CRYBG3: variants seen among roughly 807,000 people sequenced by gnomAD.
CRYBG3 encodes the protein very large A-kinase anchor protein.
CRYBG3 carries 127 observed loss-of-function variants against 244.2 expected under a neutral mutation model. That is an observed-to-expected ratio of 0.52 (90% CI 0.45 to 0.60). The LOEUF (loss-of-function observed/expected upper bound fraction) is 0.60. Among genes scored for constraint, CRYBG3 ranks in the 20% least tolerant of loss-of-function variants. The pLI is 0.00. For synonymous variants in CRYBG3, 1,132 were observed against 1,195.8 expected (o/e 0.95, Z 1.10); for missense variants, 3,325 against 3,442.5 (o/e 0.97, Z 0.85).
At chr3:97,847,056 G>T (rs998313551) in intron 2 of CRYBG3, among the ~76,000 whole-genome samples, 6 of 152,078 alleles carry the variant, frequency 3.9e-5, no homozygotes, top group Admixed American at 6.6e-5. Flanking sequence ...AAGAGAGAGG[G>T]GAAAGCTGCC....
intron 11 of CRYBG3, among the ~76,000 whole-genome samples, chr3:97,895,243 T>A (rs1452430208): frequency 1.3e-5 from 2 of 152,194 alleles, no homozygotes; most frequent in Non-Finnish European, 2.9e-5. Flanking sequence ...TTGCATTAGA[T>A]ACTGTGGATT....
intron 19 of CRYBG3, among the ~76,000 whole-genome samples, chr3:97,940,116 G>A (rs1369245484): frequency 1.3e-5 from 2 of 152,008 alleles, no homozygotes; most frequent in Non-Finnish European, 2.9e-5. Context: ...CAAAGGTGGG[G>A]ATGTTGGGTG....
At position 97,826,950 on chromosome 3, in the gene CRYBG3, A is replaced by AT. The variant is rs150101009; in HGVS notation, c.149+4596dup. 1.2e-3 allele frequency among the ~76,000 whole-genome samples: 188 copies of AT among 152,354 alleles called. 2 individuals carry two copies. The highest frequency in any genetic ancestry group is 4.3e-3 in the African/African-American group (179 of 41,574). Reference sequence around the variant, plus strand: ...TGAGAACTTTAACTGGGCTTTCAAAATATGTTCTCACATTATTAACTTTTC... The same window carrying AT: ...TGAGAACTTTAACTGGGCTTTCAAAATTATGTTCTCACATTATTAACTTTTC... On this transcript the variant is annotated intron_variant, in intron 1 of 21. Coordinates refer to ENST00000389622, the MANE Select transcript of CRYBG3 (RefSeq NM_153605.4).
chr3:97,937,006 T>C (rs2040172492), intron 19 of CRYBG3, 98 bp downstream of exon 19: 2 of 1,390,436 alleles, frequency 1.4e-6, no homozygotes, highest in East Asian at 4.8e-5. Context: ...TAATTTAGTT[T>C]GCCATTTACA....
rs758575015 is a variant in CRYBG3 at position 97,873,726 on chromosome 3, A to G, written c.2532A>G (p.Ser844=). The change falls in exon 4 of 22, where the codon TCA becomes TCG. Residue 844 remains serine, a synonymous_variant. Coordinates refer to ENST00000389622, the MANE Select transcript of CRYBG3 (RefSeq NM_153605.4). ...TATCCTTGTCCAAGGTATCTCTTTCAAAAGTGGAGCCCAGAAACATTTCTC... is the reference window on the plus strand; with the variant it reads ...TATCCTTGTCCAAGGTATCTCTTTCGAAAGTGGAGCCCAGAAACATTTCTC... The part of the protein sequence containing the change: ...KTISLSKVSL[S]KVEPRNISQD... 1.2e-5 allele frequency: 19 copies of G among 1,535,844 alleles called. No homozygotes were observed. The South Asian group carries it at 1.9e-4, about 15-fold the overall frequency.
chr3:97,895,498 A>G (rs542618113), intron 11 of CRYBG3, among the ~76,000 whole-genome samples: 4 of 152,316 alleles, frequency 2.6e-5, no homozygotes, highest in African/African-American at 9.6e-5. Flanking sequence ...GCCTCGTGAC[A>G]GATTCGCTTT....
Position 97,873,740 on chromosome 3 carries a change from G to A in CRYBG3, c.2546G>A (p.Arg849Lys). ...SKVSLSKVEP[R>K]NISQDKMSSF... ...GTATCTCTTTCAAAAGTGGAGCCCA[G>A]AAACATTTCTCAGGATAAAATGTCT... Residue 849 changes from arginine to lysine, a missense_variant, in exon 4 of 22, where the codon AGA becomes AAA. Physicochemically the swap from Arg to Lys is conservative, Grantham distance 26. Transcript: ENST00000389622. The A allele has an allele frequency of 6.5e-7, 1 of 1,535,724 alleles. No individual in the cohort carries two copies. The highest frequency in any genetic ancestry group is 8.7e-7 in the Non-Finnish European group (1 of 1,146,754).
At position 97,875,128 on chromosome 3, in the gene CRYBG3, ATTAT is replaced by A. The variant is rs1160332781; in HGVS notation, c.3939_3942del (p.Ile1313MetfsTer2). The A allele has an allele frequency of 2.6e-6, 4 of 1,534,968 alleles. No homozygotes were observed. The highest frequency in any genetic ancestry group is 3.5e-6 in the Non-Finnish European group (4 of 1,146,220). ...TAAAGCTAGGGAATTAGTCAATGAG[ATTAT>A]TTATGTAGCCCAAGAAAAATTGAGA... On this transcript the variant is annotated frameshift_variant, in exon 4 of 22. Coordinates refer to ENST00000389622, the MANE Select transcript of CRYBG3 (RefSeq NM_153605.4). LOFTEE classifies it high-confidence loss of function.
intron 1 of CRYBG3, among the ~76,000 whole-genome samples, chr3:97,824,030 A>G (rs1004458164): frequency 6.6e-6 from 1 of 152,218 alleles, no homozygotes; most frequent in Non-Finnish European, 1.5e-5. Flanking sequence ...GCTTATATCA[A>G]CGCTAATTTT....
intron 1 of CRYBG3, 54 bp downstream of exon 1, chr3:97,822,409 A>T: frequency 7.1e-7 from 1 of 1,404,752 alleles, no homozygotes; most frequent in Non-Finnish European, 9.3e-7. Flanking sequence ...CGCGGGATGA[A>T]GGCTCCCGGC....
chr3:97,899,495 GT>G (rs1647090910), intron 14 of CRYBG3, among the ~76,000 whole-genome samples: 1 of 152,174 alleles, frequency 6.6e-6, no homozygotes, highest in Non-Finnish European at 1.5e-5. Context: ...CATTTATTTA[GT>G]GTCTCTGATG....
Position 97,892,784 on chromosome 3 carries a change from C to A in CRYBG3, c.7441-76C>A, listed in dbSNP as rs186228567. Reference sequence around the variant, plus strand: ...AAAAAAATAGATAGTAGTCCCTGTACATTTTGTGGTCTTTGGTGTCACTTA... The same window carrying A: ...AAAAAAATAGATAGTAGTCCCTGTAAATTTTGTGGTCTTTGGTGTCACTTA... On this transcript the variant is annotated intron_variant, in intron 10 of 21. Transcript: ENST00000389622. 1.0e-3 allele frequency: 693 copies of A among 678,516 alleles called. 6 individuals carry two copies. The African/African-American group carries it at 0.012, about 12-fold the overall frequency. The allele number at this position is 678,516 out of a possible 1,614,324, so 42.0% of individuals were successfully genotyped here.
chr3:97,859,252 T>G (rs748688320), intron 2 of CRYBG3, among the ~76,000 whole-genome samples: 1 of 152,142 alleles, frequency 6.6e-6, no homozygotes, highest in African/African-American at 2.4e-5. Context: ...TCACTGGTAG[T>G]GTCAGGCTCC....
Position 97,872,528 on chromosome 3 carries a change from G to A in CRYBG3, c.1334G>A (p.Ser445Asn). 6.5e-7 allele frequency: 1 copy of A among 1,535,946 alleles called. No individual in the cohort carries two copies. The highest frequency in any genetic ancestry group is 8.7e-7 in the Non-Finnish European group (1 of 1,146,788). Reference protein sequence around the residue: ...SDFSCSKSDGSDTTEQESTNL... With the variant: ...SDFSCSKSDGNDTTEQESTNL... ...TTCTCTTGTAGTAAATCTGATGGGA[G>A]TGACACTACTGAGCAGGAAAGTACA... Residue 445 changes from serine (S) to asparagine (N), a missense_variant, in exon 4 of 22, where the codon AGT becomes AAT. Ser to Asn is a conservative substitution (Grantham distance 46). This residue lies in a region of CRYBG3 where 1,526 missense variants were observed against 1,443.2 expected (regional missense o/e 1.06). Coordinates refer to ENST00000389622, the MANE Select transcript of CRYBG3 (RefSeq NM_153605.4).
chr3:97,861,037 A>G (rs745834721), intron 2 of CRYBG3, among the ~76,000 whole-genome samples: 10 of 151,352 alleles, frequency 6.6e-5, no homozygotes, highest in Non-Finnish European at 1.2e-4. Flanking sequence ...CTCCATGTCC[A>G]TTTTTTTTGG....
intron 15 of CRYBG3, among the ~76,000 whole-genome samples, chr3:97,901,092 T>A (rs2039702100): frequency 6.6e-6 from 1 of 152,152 alleles, no homozygotes; most frequent in Non-Finnish European, 1.5e-5. Context: ...AAATCTGAGA[T>A]TCAGAATACA....
chr3:97,912,616 A>G (rs937903315), intron 16 of CRYBG3, among the ~76,000 whole-genome samples: 3 of 152,214 alleles, frequency 2.0e-5, no homozygotes, highest in African/African-American at 7.2e-5. Flanking sequence ...TTATTCAAGT[A>G]AGACATATTA....
At chr3:97,865,728 T>TTACTTTA (rs1480444960) in intron 3 of CRYBG3, among the ~76,000 whole-genome samples, 1 of 152,198 alleles carries the variant, frequency 6.6e-6, no homozygotes, top group Non-Finnish European at 1.5e-5. Context: ...GATGGCATTA[T>TTACTTTA]GTGTTCCTCA....
intron 12 of CRYBG3, among the ~76,000 whole-genome samples, chr3:97,898,273 C>A (rs1014461546): frequency 3.4e-5 from 5 of 146,956 alleles, no homozygotes; most frequent in Admixed American, 6.8e-5. Context: ...GTTTGAATTT[C>A]TTTAATTTAC....
Sources: gnomAD v4.1 joint callset for allele counts (sites outside exome capture counted in the v4.1 genomes callset) on GRCh38, gnomAD v4.1.1 for gene constraint, gnomAD v4.1.1 regional missense constraint, MANE v1.5 for transcripts, NCBI Gene and HGNC (gene_info 2026-07-23, HGNC 2026-07-21) for gene names.